Variants in SAPCD1 observed in about 807,000 individuals in gnomAD.
SAPCD1 encodes the protein suppressor APC domain-containing protein 1.
Under a neutral mutation model 20.7 loss-of-function variants are expected in SAPCD1, and 16 were observed. The ratio of observed to expected loss-of-function variants is 0.77; its 90% CI spans 0.52 to 1.17. The LOEUF (loss-of-function observed/expected upper bound fraction) is 1.17, where lower values mean the gene tolerates loss of function less well. SAPCD1 is among the 50% of genes most tolerant of loss of function. The pLI, the probability that SAPCD1 is intolerant of heterozygous loss-of-function variation, is 0.00. For missense variants in SAPCD1, 173 were observed against 209.9 expected (o/e 0.82, Z 1.09); for synonymous variants, 77 against 84.8 (o/e 0.91, Z 0.50).
rs1811245018 is a variant in SAPCD1, at chr6:31,763,726, T to G, written c.255+171T>G. The G allele has an allele frequency of 1.2e-5, 8 of 665,454 alleles. No homozygotes were observed. The South Asian group carries it at 1.3e-4, about 11-fold the overall frequency. 41.2% of individuals were successfully genotyped at this position (665,454 alleles called of 1,614,324 possible). ...ATGCCACCAAGTGTTAAGTTGGTGT[T>G]CATTGTTGGGGCTGGAGGAAGCTGG... On this transcript the variant is annotated intron_variant, in intron 2 of 4. Coordinates refer to ENST00000415669, the Ensembl canonical transcript of SAPCD1. This position sits in a 1 kb window ranked among gnomAD's most constrained non-coding sequence, Gnocchi z 4.9.
chr6:31,763,442 G>A lies in SAPCD1; in HGVS notation c.142G>A (p.Glu48Lys), dbSNP rs1268934031. 1.2e-5 allele frequency: 20 copies of A among 1,612,964 alleles called. No individual in the cohort carries two copies. The East Asian group carries it at 4.5e-4, about 36-fold the overall frequency. Residue 48 changes from glutamate to lysine, a missense_variant, in exon 2 of 5, where the codon GAA becomes AAA. Transcript: ENST00000415669. This position sits in a 1 kb window ranked among gnomAD's most constrained non-coding sequence, Gnocchi z 4.9. ...ACGCAGGATGCAGGCTCTGGAGAGA[G>A]AACAGGATGCCCTGTGGCAGGGTCT...
chr6:31,763,534 G>C lies in SAPCD1; in HGVS notation c.234G>C (p.Leu78=). Residue 78 remains leucine (L), a synonymous_variant, in exon 2 of 5, where the codon CTG becomes CTC. Transcript: ENST00000415669. The surrounding 1 kb of genome is among the most constrained non-coding windows in gnomAD (Gnocchi z 4.9). ...TGAGGGAGGCACAGCGACAGCAGCTGCATCTAGGGGCCCTTGGTGAGGTAT... is the reference window on the plus strand; with the variant it reads ...TGAGGGAGGCACAGCGACAGCAGCTCCATCTAGGGGCCCTTGGTGAGGTAT... The C allele has an allele frequency of 6.2e-7, 1 of 1,612,126 alleles. No homozygotes were observed. The highest frequency in any genetic ancestry group is 1.7e-5 in the Admixed American group (1 of 59,958).
chr6:31,763,587 G>A lies in SAPCD1; in HGVS notation c.255+32G>A, dbSNP rs1294941547. 1 of 1,573,994 alleles carries A rather than the reference G, an allele frequency of 6.4e-7. No homozygotes were observed. The highest frequency in any genetic ancestry group is 2.2e-5 in the East Asian group (1 of 44,640). ...GGGCTGCCCCTCTGTGTGAATGGGG[G>A]GAGGACCAGGGAGGGAGGAACAGGG... is the stretch of plus-strand genomic sequence containing the variant. On this transcript the variant is annotated intron_variant, in intron 2 of 4. Transcript: ENST00000415669. The surrounding 1 kb of genome is among the most constrained non-coding windows in gnomAD (Gnocchi z 4.9).
Position 31,763,917 on chromosome 6 carries a change from G to A in SAPCD1, c.256-147G>A. Reference sequence around the variant, plus strand: ...GGAACTGATGTGCTAAAGAGATGGAGGTGGAGAGTACTGGATTTTCCCACC... The same window carrying A: ...GGAACTGATGTGCTAAAGAGATGGAAGTGGAGAGTACTGGATTTTCCCACC... On this transcript the variant is annotated intron_variant, in intron 2 of 4. Transcript: ENST00000415669. This position sits in a 1 kb window ranked among gnomAD's most constrained non-coding sequence, Gnocchi z 4.9. 1 of 642,066 alleles carries A rather than the reference G, an allele frequency of 1.6e-6. No individual in the cohort carries two copies. The highest frequency in any genetic ancestry group is 2.8e-6 in the Non-Finnish European group (1 of 358,006). 39.8% of individuals were successfully genotyped at this position (642,066 alleles called of 1,614,324 possible).
Position 31,763,363 on chromosome 6 carries a change from C to A in SAPCD1, c.115-52C>A. On this transcript the variant is annotated intron_variant, in intron 1 of 4. Transcript: ENST00000415669. The surrounding 1 kb of genome is among the most constrained non-coding windows in gnomAD (Gnocchi z 4.9). Reference sequence around the variant, plus strand: ...TAGGGGTGGAGAGAAAGGGCCATAACCCAGAGCCCTACTGTGGCGTGAGAG... The same window carrying A: ...TAGGGGTGGAGAGAAAGGGCCATAAACCAGAGCCCTACTGTGGCGTGAGAG... 6.2e-7 allele frequency: 1 copy of A among 1,609,798 alleles called. No individual in the cohort carries two copies. Among genetic ancestry groups the A allele is most frequent in the Non-Finnish European group, 8.5e-7 (1 of 1,177,302 alleles).
Position 31,763,067 on chromosome 6 carries a change from G to A in SAPCD1, c.13G>A (p.Gly5Ser). ...CCACCTCAGAGCCATGGGGAGCCAG[G>A]GCTCTGGCGGGGTGCCCTTGGTGCA... Residue 5 changes from glycine (G) to serine (S), a missense_variant, in exon 1 of 5, where the codon GGC (glycine) becomes AGC (serine). Gly to Ser is a moderately conservative substitution (Grantham distance 56). Coordinates refer to ENST00000415669, the Ensembl canonical transcript of SAPCD1. The surrounding 1 kb of genome is among the most constrained non-coding windows in gnomAD (Gnocchi z 4.9). The A allele has an allele frequency of 6.3e-7, 1 of 1,576,862 alleles. No individual in the cohort carries two copies. The highest frequency in any genetic ancestry group is 8.6e-7 in the Non-Finnish European group (1 of 1,159,890).
rs1169963658 is a variant in SAPCD1 at position 31,763,285 on chromosome 6, G to C, written c.114+117G>C. On this transcript the variant is annotated intron_variant, in intron 1 of 4. Coordinates refer to ENST00000415669, the Ensembl canonical transcript of SAPCD1. This position sits in a 1 kb window ranked among gnomAD's most constrained non-coding sequence, Gnocchi z 4.9. ...CCGCCTGCCTCCCCTTGCCCTCCAG[G>C]TCCTCAGTGGCCAGTCTGGGTTCAC... 2 of 1,335,616 alleles carry C rather than the reference G, an allele frequency of 1.5e-6. No individual in the cohort carries two copies. The highest frequency in any genetic ancestry group is 2.1e-6 in the Non-Finnish European group (2 of 946,702). The allele number at this position is 1,335,616 out of a possible 1,614,324, so 82.7% of individuals were successfully genotyped here.
chr6:31,764,738 A>C lies in SAPCD1; in HGVS notation c.*207A>C. 2.0e-6 allele frequency: 1 copy of C among 499,754 alleles called. No individual in the cohort carries two copies. The highest frequency in any genetic ancestry group is 3.5e-6 in the Non-Finnish European group (1 of 284,230). The allele number at this position is 499,754 out of a possible 1,614,324, so 31.0% of individuals were successfully genotyped here. A position where few individuals can be genotyped will look rare whatever the true frequency, so the allele number is the denominator to read the frequency against. On this transcript the variant is annotated 3_prime_UTR_variant, in exon 5 of 5. Coordinates refer to ENST00000415669, the Ensembl canonical transcript of SAPCD1. This position sits in a 1 kb window ranked among gnomAD's most constrained non-coding sequence, Gnocchi z 4.7. ...ATTCTCCCCTATATGACATGCAAAA[A>C]CGATCTTTCTTTGAAATCCCTCTGG...
At position 31,764,598 on chromosome 6, in the gene SAPCD1, TAACTC is replaced by T. The variant is rs377628564; in HGVS notation, c.*71_*75del. The T allele has an allele frequency of 5.2e-5, 60 of 1,158,938 alleles. No homozygotes were observed. The African/African-American group carries it at 7.7e-4, about 15-fold the overall frequency. The allele number at this position is 1,158,938 out of a possible 1,614,324, so 71.8% of individuals were successfully genotyped here. A position where few individuals can be genotyped will look rare whatever the true frequency, so the allele number is the denominator to read the frequency against. On this transcript the variant is annotated 3_prime_UTR_variant, in exon 5 of 5. Transcript: ENST00000415669. The surrounding 1 kb of genome is among the most constrained non-coding windows in gnomAD (Gnocchi z 4.7). ...GCCCCAGGCTCCTTTTTCTGTTTCT[TAACTC>T]AACAGCTAAAAAATGGCTCCAGGTA...
At position 31,764,153 on chromosome 6, in the gene SAPCD1, T is replaced by C. The variant is rs1387944885; in HGVS notation, c.345T>C (p.His115=). The C allele has an allele frequency of 6.2e-7, 1 of 1,612,848 alleles. No individual in the cohort carries two copies. Among genetic ancestry groups the C allele is most frequent in the Non-Finnish European group, 8.5e-7 (1 of 1,178,794 alleles). Residue 115 remains histidine, a synonymous_variant, in exon 3 of 5, where the codon CAT becomes CAC. Transcript: ENST00000415669. The surrounding 1 kb of genome is among the most constrained non-coding windows in gnomAD (Gnocchi z 4.7). ...ACATCTGTTTGCAGAATCTGATTCA[T>C]GAGAAGGTGAGTTTATTGTTTTCAG...
Position 31,763,180 on chromosome 6 carries a change from C to G in SAPCD1, c.114+12C>G. ...GCTTCTTCCTTTGGGTGAGTATCAGCCCAACAAGAGGTCCCAGGGGAACTC... is the reference window on the plus strand; with the variant it reads ...GCTTCTTCCTTTGGGTGAGTATCAGGCCAACAAGAGGTCCCAGGGGAACTC... On this transcript the variant is annotated intron_variant, in intron 1 of 4. Transcript: ENST00000415669. This position sits in a 1 kb window ranked among gnomAD's most constrained non-coding sequence, Gnocchi z 4.9. 2.7e-6 allele frequency: 4 copies of G among 1,482,046 alleles called. No homozygotes were observed. Among genetic ancestry groups the G allele is most frequent in the Non-Finnish European group, 3.7e-6 (4 of 1,087,492 alleles). 91.8% of individuals were successfully genotyped at this position (1,482,046 alleles called of 1,614,324 possible).
At position 31,763,635 on chromosome 6, in the gene SAPCD1, C is replaced by A; in HGVS notation, c.255+80C>A. The A allele has an allele frequency of 7.4e-7, 1 of 1,359,532 alleles. No individual in the cohort carries two copies. The highest frequency in any genetic ancestry group is 1.0e-6 in the Non-Finnish European group (1 of 988,630). 84.2% of individuals were successfully genotyped at this position (1,359,532 alleles called of 1,614,324 possible). A position where few individuals can be genotyped will look rare whatever the true frequency, so the allele number is the denominator to read the frequency against. ...GGGAATGTGTAGACACAGCCTGAGA[C>A]CACTCTGGAGAGGGGAGAGTTAATG... On this transcript the variant is annotated intron_variant, in intron 2 of 4. Transcript: ENST00000415669. This position sits in a 1 kb window ranked among gnomAD's most constrained non-coding sequence, Gnocchi z 4.9.
At position 31,763,844 on chromosome 6, in the gene SAPCD1, C is replaced by T; in HGVS notation, c.256-220C>T. On this transcript the variant is annotated intron_variant, in intron 2 of 4. Coordinates refer to ENST00000415669, the Ensembl canonical transcript of SAPCD1. The surrounding 1 kb of genome is among the most constrained non-coding windows in gnomAD (Gnocchi z 4.9). ...TGGGGCAGGGATGGACAGGGAGGCT[C>T]CATGAAGAGTAGTGAAAGGGGGTAT... is the stretch of plus-strand genomic sequence containing the variant. 2 of 603,944 alleles carry T rather than the reference C, an allele frequency of 3.3e-6. No homozygotes were observed. The highest frequency in any genetic ancestry group is 5.9e-6 in the Non-Finnish European group (2 of 340,578). The allele number at this position is 603,944 out of a possible 1,614,324, so 37.4% of individuals were successfully genotyped here. A position where few individuals can be genotyped will look rare whatever the true frequency, so the allele number is the denominator to read the frequency against.
rs2151383685 is a variant in SAPCD1, at chr6:31,763,320, C to T, written c.115-95C>T. The T allele has an allele frequency of 6.6e-7, 1 of 1,519,420 alleles. No individual in the cohort carries two copies. 94.1% of individuals were successfully genotyped at this position (1,519,420 alleles called of 1,614,324 possible). On this transcript the variant is annotated intron_variant, in intron 1 of 4. Transcript: ENST00000415669. The surrounding 1 kb of genome is among the most constrained non-coding windows in gnomAD (Gnocchi z 4.9). ...GCCAGTCTGGGTTCACACTCAGTGACCACACAGTGAACCCAACTAGGGGTG... is the reference window on the plus strand; with the variant it reads ...GCCAGTCTGGGTTCACACTCAGTGATCACACAGTGAACCCAACTAGGGGTG...
Position 31,763,386 on chromosome 6 carries a change from GAGTC to G in SAPCD1, c.115-26_115-23del. 7 of 1,612,848 alleles carry G rather than the reference GAGTC, an allele frequency of 4.3e-6. No individual in the cohort carries two copies. Among genetic ancestry groups the G allele is most frequent in the Non-Finnish European group, 5.9e-6 (7 of 1,179,898 alleles). On this transcript the variant is annotated intron_variant, in intron 1 of 4. Coordinates refer to ENST00000415669, the Ensembl canonical transcript of SAPCD1. The surrounding 1 kb of genome is among the most constrained non-coding windows in gnomAD (Gnocchi z 4.9). ...AACCCAGAGCCCTACTGTGGCGTGA[GAGTC>G]AGCCTCTGTGATTGCCTTTCCCAGC...
rs759940813 is a variant in SAPCD1, at chr6:31,763,173, G to A, written c.114+5G>A. 3 of 1,514,446 alleles carry A rather than the reference G, an allele frequency of 2.0e-6. No homozygotes were observed. The highest frequency in any genetic ancestry group is 1.4e-5 in the African/African-American group (1 of 71,570). The allele number at this position is 1,514,446 out of a possible 1,614,324, so 93.8% of individuals were successfully genotyped here. ...GCCCAGAGCTTCTTCCTTTGGGTGA[G>A]TATCAGCCCAACAAGAGGTCCCAGG... On this transcript the variant is annotated splice_donor_5th_base_variant and intron_variant, in intron 1 of 4. Coordinates refer to ENST00000415669, the Ensembl canonical transcript of SAPCD1. This position sits in a 1 kb window ranked among gnomAD's most constrained non-coding sequence, Gnocchi z 4.9.
At position 31,764,076 on chromosome 6, in the gene SAPCD1, G is replaced by A. The variant is rs773273087; in HGVS notation, c.268G>A (p.Asp90Asn). The A allele has an allele frequency of 6.2e-7, 1 of 1,613,012 alleles. No individual in the cohort carries two copies. The highest frequency in any genetic ancestry group is 1.3e-5 in the African/African-American group (1 of 74,908). The change falls in exon 3 of 5, where the codon GAT (aspartate) becomes AAT (asparagine). Residue 90 changes from aspartate to asparagine, a missense_variant. Physicochemically the swap from Asp to Asn is conservative, Grantham distance 23. Transcript: ENST00000415669. The surrounding 1 kb of genome is among the most constrained non-coding windows in gnomAD (Gnocchi z 4.7). ...ACTCCTCCTCTAGAATTTTCTAACA[G>A]ATTTACACTCAGAGCCTGGTCGCCC...
chr6:31,762,976 G>T, upstream of SAPCD1: 1 of 733,682 alleles, frequency 1.4e-6, no homozygotes, highest in Non-Finnish European at 2.3e-6. Flanking sequence ...GGCAGGATGG[G>T]TGCAAGGCAG....
upstream of SAPCD1, chr6:31,762,762 C>T: frequency 1.8e-6 from 1 of 553,806 alleles, no homozygotes; most frequent in South Asian, 2.6e-5. Context: ...TGCCCTGCCT[C>T]AGTAAAAATA....
Sources: allele counts gnomAD v4.1 joint callset, GRCh38; gene constraint gnomAD v4.1.1; non-coding constraint Gnocchi (gnomAD v3.1); transcripts MANE v1.5; gene names NCBI Gene and HGNC (gene_info 2026-07-23, HGNC 2026-07-21).